The following MTMR7 variants were observed in gnomAD, a reference collection of about 807,000 sequenced individuals.
MTMR7 encodes phosphatidylinositol-3-phosphate phosphatase MTMR7.
A neutral mutation model predicts 81.2 loss-of-function variants in MTMR7; 76 were observed. The observed-to-expected ratio is 0.94, with a 90% CI of 0.78 to 1.13. The LOEUF is 1.13. Ranked by LOEUF, MTMR7 falls within the 50% of genes most tolerant of loss-of-function variation. MTMR7 has a pLI of 0.00. For missense variants in MTMR7, 1,044 were observed against 820.0 expected (o/e 1.27, Z -3.34); for synonymous variants, 372 against 289.8 (o/e 1.28, Z -2.88).
At chr8:17,349,171 G>A (rs750423706) in intron 4 of MTMR7, 90 bp from the exon 5 acceptor site, 23 of 1,478,390 alleles carry the variant, frequency 1.6e-5, no homozygotes, top group Non-Finnish European at 2.1e-5. Context: ...ACGCTTACAG[G>A]TACATCCTTA....
At chr8:17,315,628 TAAAAAG>T (rs1273603877) in intron 7 of MTMR7, among the ~76,000 whole-genome samples, 3 of 151,930 alleles carry the variant, frequency 2.0e-5, no homozygotes, top group Non-Finnish European at 4.4e-5. Context: ...AAACTGCTCT[TAAAAAG>T]AAAAAGTCTT....
chr8:17,328,947 C>A (rs144017885), intron 7 of MTMR7, among the ~76,000 whole-genome samples: 25 of 152,300 alleles, frequency 1.6e-4, no homozygotes, highest in Non-Finnish European at 3.1e-4. Flanking sequence ...TATAGAGGAC[C>A]TACACAGGAT....
intron 4 of MTMR7, among the ~76,000 whole-genome samples, chr8:17,358,036 C>G (rs1819948625): frequency 6.6e-6 from 1 of 151,982 alleles, no homozygotes; most frequent in South Asian, 2.1e-4. Context: ...GAAAAACCAT[C>G]CAGTCATAGA....
intron 1 of MTMR7, among the ~76,000 whole-genome samples, chr8:17,400,782 T>C (rs1026772565): frequency 6.6e-6 from 1 of 152,224 alleles, no homozygotes; most frequent in Non-Finnish European, 1.5e-5. Flanking sequence ...TTTGCTGGAA[T>C]GAAGCAATCC....
chr8:17,408,838 G>T (rs745706405), intron 1 of MTMR7, among the ~76,000 whole-genome samples: 1 of 152,090 alleles, frequency 6.6e-6, no homozygotes, highest in Non-Finnish European at 1.5e-5. Flanking sequence ...CTACTAATGG[G>T]CTAACTACTA....
chr8:17,340,287 T>G (rs866872315), intron 6 of MTMR7, among the ~76,000 whole-genome samples: 1 of 152,228 alleles, frequency 6.6e-6, no homozygotes, highest in Non-Finnish European at 1.5e-5. Context: ...ATAATTTCTC[T>G]ATCCCACTCT....
chr8:17,330,062 C>A (rs1427069688), intron 7 of MTMR7, among the ~76,000 whole-genome samples: 1 of 152,184 alleles, frequency 6.6e-6, no homozygotes, highest in African/African-American at 2.4e-5. Flanking sequence ...AACAAGTTAA[C>A]TGATGTGTTC....
intron 8 of MTMR7, among the ~76,000 whole-genome samples, chr8:17,312,392 T>A (rs1817831340): frequency 6.6e-6 from 1 of 152,038 alleles, no homozygotes; most frequent in South Asian, 2.1e-4. Flanking sequence ...CTGACCAACA[T>A]GGTGAAACCC....
rs548570165 is a variant in MTMR7, at chr8:17,358,679, A to G, written c.468+2438T>C. Among the ~76,000 whole-genome samples, 51 of 152,312 alleles carry G rather than the reference A, an allele frequency of 3.3e-4. No homozygotes were observed. In the South Asian group the frequency reaches 9.7e-3, roughly 29 times the overall value. ...ATAGGCCATGTGCACTGAATGCAAT[A>G]TAAGGGACTAGAAACTAACAAATAC... On this transcript the variant is annotated intron_variant, in intron 4 of 13. Coordinates refer to ENST00000180173, the MANE Select transcript of MTMR7 (RefSeq NM_004686.5).
intron 5 of MTMR7, among the ~76,000 whole-genome samples, chr8:17,342,902 A>G (rs1442195502): frequency 1.3e-5 from 2 of 152,054 alleles, no homozygotes; most frequent in South Asian, 2.1e-4. Flanking sequence ...ATGGCAAGCG[A>G]CGGCAAGGCC....
rs769468346 is a variant in MTMR7, at chr8:17,361,138, G to A, written c.447C>T (p.Ser149=). 7 of 1,614,072 alleles carry A rather than the reference G, an allele frequency of 4.3e-6. No homozygotes were observed. Among genetic ancestry groups the A allele is most frequent in the Non-Finnish European group, 5.9e-6 (7 of 1,180,020 alleles). ...TCACTCTGTAGTCTCTATTCACATC[G>A]CTGAGCTGCCAGTAATGATTAGGGA... ...MGLPNHYWQL[S]DVNRDYRVCD... The change falls in exon 4 of 14, where the codon AGC becomes AGT. Residue 149 remains serine, a synonymous_variant. Transcript: ENST00000180173.
At chr8:17,300,337 GTGACTCA>G in intron 13 of MTMR7, 113 bp from the exon 14 acceptor site, 2 of 1,168,858 alleles carry the variant, frequency 1.7e-6, no homozygotes, top group South Asian at 3.3e-5. Flanking sequence ...TTAAGAACAT[GTGACTCA>G]GAGGGATGTG....
chr8:17,313,942 T>C lies in MTMR7; in HGVS notation c.866-541A>G, dbSNP rs79403103. Among the ~76,000 whole-genome samples, 539 of 152,314 alleles carry C rather than the reference T, an allele frequency of 3.5e-3. 3 individuals are homozygous for C. Among genetic ancestry groups the C allele is most frequent in the African/African-American group, 0.012 (515 of 41,562 alleles). On this transcript the variant is annotated intron_variant, in intron 7 of 13. Coordinates refer to ENST00000180173, the MANE Select transcript of MTMR7 (RefSeq NM_004686.5). ...ACCCCCACCCAATGGGAGTAAGGCC[T>C]GTAAGCTTAAAAATAACACATATGC...
At chr8:17,348,473 C>T (rs145000457) in intron 5 of MTMR7, among the ~76,000 whole-genome samples, 1,756 of 150,250 alleles carry the variant, frequency 0.012, 28 homozygotes, top group African/African-American at 0.04. Context: ...TTGCTTGAAC[C>T]TGGGAGGCAG....
intron 4 of MTMR7, among the ~76,000 whole-genome samples, chr8:17,360,386 GA>G (rs1005426207): frequency 1.1e-4 from 16 of 151,486 alleles, no homozygotes; most frequent in African/African-American, 3.9e-4. Context: ...ACTTACATAT[GA>G]AAAAAGTTAT....
chr8:17,343,994 A>G (rs1554512123), intron 5 of MTMR7, among the ~76,000 whole-genome samples: 1 of 152,218 alleles, frequency 6.6e-6, no homozygotes, highest in Non-Finnish European at 1.5e-5. Flanking sequence ...TTACAATGCT[A>G]CTAATAATTA....
At chr8:17,325,818 T>C (rs1046779056) in intron 7 of MTMR7, among the ~76,000 whole-genome samples, 2 of 152,202 alleles carry the variant, frequency 1.3e-5, no homozygotes, top group African/African-American at 4.8e-5. Context: ...ATTCAGCAAA[T>C]GTACCCATAG....
At chr8:17,327,639 G>A (rs1818755604) in intron 7 of MTMR7, among the ~76,000 whole-genome samples, 1 of 118,508 alleles carries the variant, frequency 8.4e-6, no homozygotes. Context: ...GAAGAAACCT[G>A]GTAAAAAAAA....
At chr8:17,349,916 G>T (rs891038484) in intron 4 of MTMR7, among the ~76,000 whole-genome samples, 2 of 152,116 alleles carry the variant, frequency 1.3e-5, no homozygotes. Context: ...CAAACTACAC[G>T]GTGCACTGTG....
Sources: gnomAD v4.1 joint callset for allele counts (sites outside exome capture counted in the v4.1 genomes callset) on GRCh38, gnomAD v4.1.1 for gene constraint, MANE v1.5 for transcripts, NCBI Gene and HGNC (gene_info 2026-07-23, HGNC 2026-07-21) for gene names.